Variants in DYRK3 observed in about 807,000 individuals in gnomAD.
DYRK3 encodes the protein dual specificity tyrosine-phosphorylation-regulated kinase 3.
Under a neutral mutation model 40.8 loss-of-function variants are expected in DYRK3, and 30 were observed. The ratio of observed to expected loss-of-function variants is 0.74; its 90% CI spans 0.55 to 1.00. The LOEUF is 1.00. Among genes scored for constraint, DYRK3 ranks in the 50% least tolerant of loss-of-function variants. DYRK3 has a pLI of 0.00. For synonymous variants in DYRK3, 272 were observed against 260.7 expected (o/e 1.04, Z -0.42); for missense variants, 699 against 731.5 (o/e 0.96, Z 0.51).
chr1:206,649,826 T>G lies in DYRK3; in HGVS notation c.*861T>G, dbSNP rs903546287. 9.2e-5 allele frequency among the ~76,000 whole-genome samples: 14 copies of G among 152,198 alleles called. No homozygotes were observed. Among genetic ancestry groups the G allele is most frequent in the Non-Finnish European group, 1.8e-4 (12 of 68,024 alleles). ...GACCAGCCTCCTTGCTGCATTTTCA[T>G]AGAATCTCTTCCTTATAAAAGTAAT... On this transcript the variant is annotated 3_prime_UTR_variant, in exon 3 of 3. Coordinates refer to ENST00000367109, the MANE Select transcript of DYRK3 (RefSeq NM_003582.4).
intron 1 of DYRK3, 149 bp downstream of exon 1, chr1:206,635,929 A>G: frequency 7.6e-7 from 1 of 1,313,590 alleles, no homozygotes; most frequent in Non-Finnish European, 9.7e-7. Context: ...GACCGCCCCC[A>G]CCTCCTCTCT....
chr1:206,644,604 A>C (rs1671395264), intron 2 of DYRK3, among the ~76,000 whole-genome samples: 1 of 152,156 alleles, frequency 6.6e-6, no homozygotes, highest in African/African-American at 2.4e-5. Context: ...CAGTGGTGCG[A>C]TCTCAGCTCA....
At position 206,650,377 on chromosome 1, in the gene DYRK3, G is replaced by T. The variant is rs925063339; in HGVS notation, c.*1412G>T. Among the ~76,000 whole-genome samples the T allele has an allele frequency of 6.6e-6, 1 of 152,042 alleles. No individual in the cohort carries two copies. Among genetic ancestry groups the T allele is most frequent in the African/African-American group, 2.4e-5 (1 of 41,378 alleles). Reference sequence around the variant, plus strand: ...AGCCCAGGAGTTCAAGACCAGCCTGGGCAACATGGTGAAACCCTGCCTCTA... The same window carrying T: ...AGCCCAGGAGTTCAAGACCAGCCTGTGCAACATGGTGAAACCCTGCCTCTA... On this transcript the variant is annotated 3_prime_UTR_variant, in exon 3 of 3. Transcript: ENST00000367109.
chr1:206,646,196 A>T (rs1553420089), intron 2 of DYRK3, among the ~76,000 whole-genome samples: 1 of 152,234 alleles, frequency 6.6e-6, no homozygotes, highest in African/African-American at 2.4e-5. Flanking sequence ...TTTGATACAC[A>T]TAGTGAAATG....
chr1:206,637,759 A>C lies in DYRK3; in HGVS notation c.187A>C (p.Asn63His). The C allele has an allele frequency of 6.2e-7, 1 of 1,606,244 alleles. No individual in the cohort carries two copies. The highest frequency in any genetic ancestry group is 1.1e-5 in the South Asian group (1 of 90,716). Residue 63 changes from asparagine (N) to histidine (H), a missense_variant and splice_region_variant, in exon 2 of 3, where the codon AAT (asparagine) becomes CAT (histidine). By Grantham distance (68) the Asn-to-His change is moderately conservative (BLOSUM62 1). Transcript: ENST00000367109. ...TGAACCACCTCCACCCAGAAGACTA[A>C]ATGTAAGTAAAAGAAGTCATTCTTT... ...PSEPPPPRRLNMTTEQFTGDH... is the reference protein window; with the variant it reads ...PSEPPPPRRLHMTTEQFTGDH...
intron 2 of DYRK3, among the ~76,000 whole-genome samples, chr1:206,642,352 A>G (rs1437527369): frequency 1.3e-5 from 2 of 151,774 alleles, no homozygotes; most frequent in South Asian, 2.1e-4. Flanking sequence ...TAGTTCAACC[A>G]TTGTGGAAGA....
chr1:206,641,200 C>A (rs1386695444), intron 2 of DYRK3, among the ~76,000 whole-genome samples: 2 of 151,800 alleles, frequency 1.3e-5, no homozygotes, highest in Non-Finnish European at 2.9e-5. Context: ...TATACTAGAC[C>A]CAGTGTGTAG....
In DYRK3 at chr1:206,649,327, T is replaced by C; in HGVS notation, c.*362T>C. 1 of 193,520 alleles carries C rather than the reference T, an allele frequency of 5.2e-6. No individual in the cohort carries two copies. Among genetic ancestry groups the C allele is most frequent in the Non-Finnish European group, 1.1e-5 (1 of 92,342 alleles). The allele number at this position is 193,520 out of a possible 1,614,324, so 12.0% of individuals were successfully genotyped here. On this transcript the variant is annotated 3_prime_UTR_variant, in exon 3 of 3. Coordinates refer to ENST00000367109, the MANE Select transcript of DYRK3 (RefSeq NM_003582.4). Reference sequence around the variant, plus strand: ...CTCGCTTCTAGTGTCCCTCGGCATCTGTTCTGGAGGGGTAATTTGGGATGT... The same window carrying C: ...CTCGCTTCTAGTGTCCCTCGGCATCCGTTCTGGAGGGGTAATTTGGGATGT...
Position 206,652,443 on chromosome 1 carries a change from CTACAAGGT to C in DYRK3, c.*3482_*3489del, listed in dbSNP as rs1671656001. On this transcript the variant is annotated 3_prime_UTR_variant, in exon 3 of 3. Coordinates refer to ENST00000367109, the MANE Select transcript of DYRK3 (RefSeq NM_003582.4). ...GCTCTATTTCTGTGTATCGAATGGA[CTACAAGGT>C]TACTGAAACTGGGCTAAGGGAAAGT... 6.6e-6 allele frequency among the ~76,000 whole-genome samples: 1 copy of C among 152,144 alleles called. No homozygotes were observed. The highest frequency in any genetic ancestry group is 1.5e-5 in the Non-Finnish European group (1 of 68,036).
intron 2 of DYRK3, among the ~76,000 whole-genome samples, chr1:206,641,406 A>G (rs1386446803): frequency 6.9e-6 from 1 of 145,730 alleles, no homozygotes; most frequent in East Asian, 2.2e-4. Flanking sequence ...TGTGAATGCC[A>G]TTATTTCATT....
rs1158965433 is a variant in DYRK3 at position 206,647,772 on chromosome 1, G to A, written c.574G>A (p.Asp192Asn). 1.2e-6 allele frequency: 2 copies of A among 1,614,162 alleles called. No homozygotes were observed. The highest frequency in any genetic ancestry group is 4.5e-5 in the East Asian group (2 of 44,884). ...IGGPNNGGYDDADGAYIHVPR... is the reference protein window; with the variant it reads ...IGGPNNGGYDNADGAYIHVPR... ...TGGTCCCAATAATGGAGGGTATGAT[G>A]ATGCAGATGGGGCCTATATTCATGT... The change falls in exon 3 of 3, where the codon GAT becomes AAT. Residue 192 changes from aspartate to asparagine, a missense_variant. Physicochemically the swap from Asp to Asn is conservative, Grantham distance 23. Transcript: ENST00000367109.
intron 1 of DYRK3, chr1:206,636,286 C>T (rs781940843): frequency 5.1e-5 from 12 of 233,210 alleles, no homozygotes; most frequent in Admixed American, 2.8e-4. Context: ...CCCCACCTTG[C>T]GTTGTATTTT....
At chr1:206,641,282 T>G (rs1363065955) in intron 2 of DYRK3, among the ~76,000 whole-genome samples, 1 of 152,134 alleles carries the variant, frequency 6.6e-6, no homozygotes. Context: ...TCTTAAGCCC[T>G]TTCATCGTCT....
chr1:206,645,306 G>A (rs1402872665), intron 2 of DYRK3, among the ~76,000 whole-genome samples: 4 of 151,968 alleles, frequency 2.6e-5, no homozygotes, highest in African/African-American at 9.7e-5. Flanking sequence ...GAGCTCCTCC[G>A]GAATTAATCT....
In DYRK3 at chr1:206,648,372, A is replaced by C. The variant is rs201296219; in HGVS notation, c.1174A>C (p.Ile392Leu). 1.1e-5 allele frequency: 17 copies of C among 1,614,144 alleles called. No individual in the cohort carries two copies. Among genetic ancestry groups the C allele is most frequent in the Non-Finnish European group, 1.4e-5 (17 of 1,180,028 alleles). Residue 392 changes from isoleucine (I) to leucine (L), a missense_variant, in exon 3 of 3, where the codon ATA becomes CTA. Coordinates refer to ENST00000367109, the MANE Select transcript of DYRK3 (RefSeq NM_003582.4). ...LGSRYSTPID[I>L]WSFGCILAEL... Reference sequence around the variant, plus strand: ...AAGCCGCTACAGCACACCAATTGACATATGGAGTTTTGGCTGCATCCTTGC... The same window carrying C: ...AAGCCGCTACAGCACACCAATTGACCTATGGAGTTTTGGCTGCATCCTTGC...
chr1:206,637,503 T>C (rs1671149180), intron 1 of DYRK3, 147 bp from the exon 2 acceptor site: 2 of 568,980 alleles, frequency 3.5e-6, no homozygotes, highest in African/African-American at 3.8e-5. Context: ...CTCTTCCAAA[T>C]ACCCCAGTTG....
intron 2 of DYRK3, among the ~76,000 whole-genome samples, chr1:206,644,031 C>CTTTTTTTTTTTT (rs556718022): frequency 0.012 from 1,226 of 100,994 alleles, 143 homozygotes; most frequent in Middle Eastern, 0.038. Flanking sequence ...GGACCTACAG[C>CTTTTTTTTTTTT]TTTTTTTTTT....
At chr1:206,641,193 A>T (rs782762406) in intron 2 of DYRK3, among the ~76,000 whole-genome samples, 3 of 152,026 alleles carry the variant, frequency 2.0e-5, no homozygotes, top group Admixed American at 6.6e-5. Flanking sequence ...AGCAGTGTAT[A>T]CTAGACCCAG....
At chr1:206,636,886 C>T in intron 1 of DYRK3, 4 of 1,608,516 alleles carry the variant, frequency 2.5e-6, no homozygotes, top group Admixed American at 3.4e-5. Flanking sequence ...GGTGGAGCCA[C>T]AGTGTTAAAG....
Sources: allele counts gnomAD v4.1 joint callset (sites outside exome capture counted in the v4.1 genomes callset), GRCh38; gene constraint gnomAD v4.1.1; transcripts MANE v1.5; gene names NCBI Gene and HGNC (gene_info 2026-07-23, HGNC 2026-07-21).